Variants in INTS6 observed in about 807,000 individuals in gnomAD.
INTS6 encodes the protein DEAD box protein.
A neutral mutation model predicts 104.9 loss-of-function variants in INTS6; 16 were observed. That is an observed-to-expected ratio of 0.15 (90% CI 0.10 to 0.23). INTS6 has a LOEUF of 0.23. INTS6 is among the 10% of genes least tolerant of loss of function. The probability of loss-of-function intolerance (pLI) is 1.00; values close to 1 mark genes in which losing one functional copy is unlikely to be tolerated. For missense variants in INTS6, 584 were observed against 1,062.8 expected (o/e 0.55, Z 6.26); for synonymous variants, 324 against 358.7 (o/e 0.90, Z 1.09).
At position 51,386,884 on chromosome 13, in the gene INTS6, CA is replaced by C. The variant is rs367700754; in HGVS notation, c.894+501del. 4.0e-3 allele frequency among the ~76,000 whole-genome samples: 611 copies of C among 152,258 alleles called. 7 individuals are homozygous for C. Among genetic ancestry groups the C allele is most frequent in the African/African-American group, 0.014 (581 of 41,570 alleles). On this transcript the variant is annotated intron_variant, in intron 7 of 17. Coordinates refer to ENST00000311234, the MANE Select transcript of INTS6 (RefSeq NM_012141.3). ...CTGATAATTCACCATGATCGCTCAG[CA>C]AACTTCATTTTTCCTAAAAATAATT...
intron 4 of INTS6, among the ~76,000 whole-genome samples, chr13:51,408,621 G>A (rs1319220969): frequency 1.3e-5 from 2 of 152,134 alleles, no homozygotes; most frequent in Non-Finnish European, 2.9e-5. Flanking sequence ...AGTATGTTAT[G>A]TATGTCCCTA....
chr13:51,344,642 C>T, the INTS6 span, among the ~76,000 whole-genome samples: 1 of 152,148 alleles, frequency 6.6e-6, no homozygotes, highest in Non-Finnish European at 1.5e-5. Flanking sequence ...GACAAGGGGA[C>T]ACTAAGTCCC....
At chr13:51,401,911 A>G (rs74401115) in intron 4 of INTS6, among the ~76,000 whole-genome samples, 2 of 152,208 alleles carry the variant, frequency 1.3e-5, no homozygotes, top group East Asian at 1.9e-4. Flanking sequence ...AACTAATTGT[A>G]TTCAATGAAA....
chr13:51,385,644 G>A (rs889406348), intron 7 of INTS6, among the ~76,000 whole-genome samples: 7 of 152,128 alleles, frequency 4.6e-5, no homozygotes, highest in Non-Finnish European at 1.0e-4. Flanking sequence ...TAATAGTGCC[G>A]TGATTCAAAT....
chr13:51,449,423 G>A (rs1952989638), intron 3 of INTS6: 3 of 964,608 alleles, frequency 3.1e-6, no homozygotes, highest in Non-Finnish European at 3.7e-6. Context: ...GGAAAATACA[G>A]GTTTAAATTA....
Position 51,368,868 on chromosome 13 carries a change from T to C in INTS6, c.2476+71A>G, listed in dbSNP as rs899303611. ...TATTCTTTTACTACAGTTACTTGAC[T>C]TTTTTTTTCTTTTTTGCTTTTTGAG... On this transcript the variant is annotated intron_variant, in intron 16 of 17. Coordinates refer to ENST00000311234, the MANE Select transcript of INTS6 (RefSeq NM_012141.3). 7.1e-7 allele frequency: 1 copy of C among 1,412,208 alleles called. No individual in the cohort carries two copies. The highest frequency in any genetic ancestry group is 9.4e-7 in the Non-Finnish European group (1 of 1,064,650). 87.5% of individuals were successfully genotyped at this position (1,412,208 alleles called of 1,614,324 possible).
At chr13:51,442,809 C>T (rs1952823258) in intron 3 of INTS6, 2 of 152,234 alleles carry the variant, frequency 1.3e-5, no homozygotes, top group African/African-American at 4.8e-5. Flanking sequence ...CCACCTCTAC[C>T]AATCCATGGA....
intron 4 of INTS6, among the ~76,000 whole-genome samples, chr13:51,425,650 T>C (rs895443635): frequency 6.6e-6 from 1 of 152,254 alleles, no homozygotes; most frequent in South Asian, 2.1e-4. Context: ...GCAATATTCA[T>C]TAGCCATGTG....
intron 13 of INTS6, 23 bp from the exon 14 acceptor site, chr13:51,374,819 A>G (rs771731658): frequency 6.2e-7 from 1 of 1,606,178 alleles, no homozygotes; most frequent in Non-Finnish European, 8.5e-7. Context: ...ATACAACAGC[A>G]AAAAAAGTTA....
chr13:51,443,548 A>G (rs1195814251), intron 3 of INTS6: 2 of 152,136 alleles, frequency 1.3e-5, no homozygotes, highest in South Asian at 4.1e-4. Context: ...AAACAAAAAT[A>G]AAGTTTATAT....
intron 3 of INTS6, chr13:51,444,354 T>C (rs1952860939): frequency 6.7e-6 from 1 of 150,004 alleles, no homozygotes; most frequent in Non-Finnish European, 1.5e-5. Flanking sequence ...ATCCACCTGC[T>C]TTAGCCTCCC....
chr13:51,383,270 T>A, intron 9 of INTS6, 59 bp downstream of exon 9: 3 of 1,430,156 alleles, frequency 2.1e-6, no homozygotes, highest in Non-Finnish European at 2.8e-6. Context: ...TACAAAGAAA[T>A]GCGCTTTAGG....
At chr13:51,336,952 C>A in the INTS6 span, among the ~76,000 whole-genome samples, 1 of 152,266 alleles carries the variant, frequency 6.6e-6, no homozygotes, top group African/African-American at 2.4e-5. Context: ...GCAGGAAGCC[C>A]AGCGGCAGCG....
chr13:51,410,915 A>T (rs1367503439), intron 4 of INTS6, among the ~76,000 whole-genome samples: 1 of 152,120 alleles, frequency 6.6e-6, no homozygotes, highest in Admixed American at 6.6e-5. Flanking sequence ...ATACAGATAG[A>T]AAATAAGCAC....
chr13:51,415,214 T>G (rs117211826), intron 4 of INTS6, among the ~76,000 whole-genome samples: 1,730 of 152,262 alleles, frequency 0.011, 26 homozygotes, highest in East Asian at 0.071. Flanking sequence ...TTTGAAAAAT[T>G]TCAATCTCAC....
At position 51,406,831 on chromosome 13, in the gene INTS6, G is replaced by T. The variant is rs146825078; in HGVS notation, c.430-11348C>A. ...TGGTCCACAGGCTGCATGTAGCCCA[G>T]TATGGTTTTGAATGTGGCCCAACAC... On this transcript the variant is annotated intron_variant, in intron 4 of 17. Transcript: ENST00000311234. Among the ~76,000 whole-genome samples the T allele has an allele frequency of 5.2e-3, 792 of 151,624 alleles. 6 individuals carry two copies. Among genetic ancestry groups the T allele is most frequent in the Non-Finnish European group, 7.9e-3 (536 of 67,968 alleles).
chr13:51,407,297 G>GAATA (rs1195399306), intron 4 of INTS6, among the ~76,000 whole-genome samples: 1 of 152,178 alleles, frequency 6.6e-6, no homozygotes, highest in Non-Finnish European at 1.5e-5. Flanking sequence ...ATGGATGGAT[G>GAATA]AATAAATAAT....
chr13:51,451,704 G>C lies in INTS6; in HGVS notation c.189+274C>G, dbSNP rs535251807. 1.6e-5 allele frequency: 3 copies of C among 185,726 alleles called. No homozygotes were observed. In the South Asian group the frequency reaches 4.9e-4, roughly 30 times the overall value. 11.5% of individuals were successfully genotyped at this position (185,726 alleles called of 1,614,324 possible). A position where few individuals can be genotyped will look rare whatever the true frequency, so the allele number is the denominator to read the frequency against. On this transcript the variant is annotated intron_variant, in intron 2 of 17. Coordinates refer to ENST00000311234, the MANE Select transcript of INTS6 (RefSeq NM_012141.3). ...GCTCACGCCGCGGAGGGGAAATGTCGGCCATGTTGATAGCAGCGCCGCCGC... is the reference window on the plus strand; with the variant it reads ...GCTCACGCCGCGGAGGGGAAATGTCCGCCATGTTGATAGCAGCGCCGCCGC...
At chr13:51,449,506 TAATAGGA>T in intron 3 of INTS6, 1 of 985,266 alleles carries the variant, frequency 1.0e-6, no homozygotes, top group Non-Finnish European at 1.2e-6. Context: ...TTTTAATAGG[TAATAGGA>T]GGTGAATATG....
Sources: gnomAD v4.1 joint callset for allele counts (sites outside exome capture counted in the v4.1 genomes callset) on GRCh38, gnomAD v4.1.1 for gene constraint, MANE v1.5 for transcripts, NCBI Gene and HGNC (gene_info 2026-07-23, HGNC 2026-07-21) for gene names.